The following ZDHHC14 variants were observed in gnomAD, a reference collection of about 807,000 sequenced individuals.
ZDHHC14 encodes the protein palmitoyltransferase ZDHHC14.
In ZDHHC14, 16 loss-of-function variants were observed where a neutral mutation model predicts 47.7. The observed-to-expected ratio is 0.34, with a 90% CI of 0.23 to 0.51. The LOEUF is 0.51. ZDHHC14 is among the 20% of genes least tolerant of loss of function. The pLI, the probability that ZDHHC14 is intolerant of heterozygous loss-of-function variation, is 0.97. For synonymous variants in ZDHHC14, 293 were observed against 278.9 expected (o/e 1.05, Z -0.50); for missense variants, 515 against 662.5 (o/e 0.78, Z 2.44).
chr6:157,390,342 A>G (rs2114734386), intron 1 of ZDHHC14, among the ~76,000 whole-genome samples: 1 of 152,122 alleles, frequency 6.6e-6, no homozygotes, highest in East Asian at 1.9e-4. Context: ...TTTTGTTGTC[A>G]GTAGTTGGAA....
chr6:157,453,049 C>T (rs913643490), intron 1 of ZDHHC14, among the ~76,000 whole-genome samples: 1 of 151,922 alleles, frequency 6.6e-6, no homozygotes, highest in South Asian at 2.1e-4. Context: ...CTTTTCCCCA[C>T]CCTTCCCCTC....
At chr6:157,663,780 G>A (rs2115005970) in intron 8 of ZDHHC14, among the ~76,000 whole-genome samples, 1 of 152,270 alleles carries the variant, frequency 6.6e-6, no homozygotes, top group Non-Finnish European at 1.5e-5. Context: ...CCGACACGGG[G>A]CTCACCACTT....
At chr6:157,604,347 T>G (rs1784448590) in intron 3 of ZDHHC14, among the ~76,000 whole-genome samples, 1 of 151,166 alleles carries the variant, frequency 6.6e-6, no homozygotes, top group Admixed American at 6.6e-5. Context: ...AGGCTATGCA[T>G]AGGCTATATG....
chr6:157,629,088 A>G (rs1291665746), intron 4 of ZDHHC14, among the ~76,000 whole-genome samples: 4 of 152,236 alleles, frequency 2.6e-5, no homozygotes, highest in African/African-American at 9.6e-5. Flanking sequence ...TATATAAAGG[A>G]AGCAACTTTG....
chr6:157,655,959 T>A (rs1458724932), intron 8 of ZDHHC14, among the ~76,000 whole-genome samples: 2 of 152,218 alleles, frequency 1.3e-5, no homozygotes, highest in African/African-American at 4.8e-5. Flanking sequence ...GGAAGCCACT[T>A]CAGGTCAAGA....
At chr6:157,604,340 C>G (rs1354774763) in intron 3 of ZDHHC14, among the ~76,000 whole-genome samples, 1 of 151,170 alleles carries the variant, frequency 6.6e-6, no homozygotes, top group Non-Finnish European at 1.5e-5. Flanking sequence ...ATACTGGAGG[C>G]TATGCATAGG....
chr6:157,443,323 C>T (rs9457470), intron 1 of ZDHHC14, among the ~76,000 whole-genome samples: 39,735 of 151,966 alleles, frequency 0.26, 5,624 homozygotes, highest in Admixed American at 0.4. Flanking sequence ...TATAGATTAC[C>T]CAGTCTCGGA....
chr6:157,513,001 C>T (rs1002051081), intron 1 of ZDHHC14, among the ~76,000 whole-genome samples: 2 of 152,150 alleles, frequency 1.3e-5, no homozygotes. Flanking sequence ...TATTTGGGAA[C>T]GCTGAAAAAG....
intron 1 of ZDHHC14, among the ~76,000 whole-genome samples, chr6:157,484,592 A>T (rs1381113765): frequency 6.6e-6 from 1 of 151,526 alleles, no homozygotes; most frequent in Non-Finnish European, 1.5e-5. Flanking sequence ...TTCTAGGGGA[A>T]AAAAAACCAG....
chr6:157,475,511 A>T (rs1171659361), intron 1 of ZDHHC14, among the ~76,000 whole-genome samples: 1 of 152,088 alleles, frequency 6.6e-6, no homozygotes, highest in Non-Finnish European at 1.5e-5. Context: ...ATATTTTTAC[A>T]TTTATTCATG....
chr6:157,591,846 AAC>A lies in ZDHHC14; in HGVS notation c.407-1140_407-1139del, dbSNP rs1427513653. 3.9e-5 allele frequency among the ~76,000 whole-genome samples: 6 copies of A among 152,344 alleles called. No homozygotes were observed. The East Asian group carries it at 1.2e-3, about 29-fold the overall frequency. Reference sequence around the variant, plus strand: ...CTTTAAGAGGGTGAGAATTAAAATGAACAGTTATCTTTAATGTTACCAACTCT... The same window carrying A: ...CTTTAAGAGGGTGAGAATTAAAATGAAGTTATCTTTAATGTTACCAACTCT... On this transcript the variant is annotated intron_variant, in intron 2 of 8. Coordinates refer to ENST00000359775, the MANE Select transcript of ZDHHC14 (RefSeq NM_024630.3).
At chr6:157,508,058 A>C (rs1273492676) in intron 1 of ZDHHC14, among the ~76,000 whole-genome samples, 6 of 152,240 alleles carry the variant, frequency 3.9e-5, no homozygotes, top group Non-Finnish European at 8.8e-5. Context: ...TTTTCTATTC[A>C]GAAGTCCAGG....
chr6:157,497,880 G>A (rs1408080621), intron 1 of ZDHHC14, among the ~76,000 whole-genome samples: 2 of 152,032 alleles, frequency 1.3e-5, no homozygotes, highest in Non-Finnish European at 2.9e-5. Flanking sequence ...ATTACCATGG[G>A]GCCAGCACCA....
intron 8 of ZDHHC14, among the ~76,000 whole-genome samples, chr6:157,669,880 C>A (rs1434427420): frequency 1.3e-5 from 2 of 152,244 alleles, no homozygotes; most frequent in Non-Finnish European, 2.9e-5. Context: ...GGGAGTGCCG[C>A]TGCGGCTCAG....
intron 6 of ZDHHC14, 58 bp downstream of exon 6, chr6:157,645,897 G>A: frequency 6.8e-7 from 1 of 1,471,104 alleles, no homozygotes; most frequent in South Asian, 1.2e-5. Context: ...CAATGGAGGA[G>A]AAAAAGGAAA....
intron 1 of ZDHHC14, among the ~76,000 whole-genome samples, chr6:157,476,499 C>T (rs1378445457): frequency 6.6e-6 from 1 of 152,174 alleles, no homozygotes; most frequent in Non-Finnish European, 1.5e-5. Context: ...CAATACTAAT[C>T]CTTCTAAAAC....
chr6:157,557,122 G>C (rs1056234137), intron 2 of ZDHHC14, among the ~76,000 whole-genome samples: 1 of 152,196 alleles, frequency 6.6e-6, no homozygotes, highest in Non-Finnish European at 1.5e-5. Context: ...CTGAACCAGG[G>C]GCAAAATAGC....
intron 1 of ZDHHC14, among the ~76,000 whole-genome samples, chr6:157,537,575 A>G (rs979606349): frequency 6.6e-6 from 1 of 152,218 alleles, no homozygotes; most frequent in Admixed American, 6.5e-5. Flanking sequence ...AATCTTTATG[A>G]AGACTAAGAT....
At chr6:157,408,325 G>T (rs1050612432) in intron 1 of ZDHHC14, among the ~76,000 whole-genome samples, 28 of 152,126 alleles carry the variant, frequency 1.8e-4, no homozygotes, top group African/African-American at 6.7e-4. Context: ...AAGTTCCGGG[G>T]TACATGTGCA....
Sources: allele counts gnomAD v4.1 joint callset (sites outside exome capture counted in the v4.1 genomes callset), GRCh38; gene constraint gnomAD v4.1.1; transcripts MANE v1.5; gene names NCBI Gene and HGNC (gene_info 2026-07-23, HGNC 2026-07-21).